STRN4: variants seen among roughly 807,000 people sequenced by gnomAD.
STRN4 encodes the protein striatin-4.
Under a neutral mutation model 77.9 loss-of-function variants are expected in STRN4, and 27 were observed. That is an observed-to-expected ratio of 0.35 (90% CI 0.26 to 0.48). The LOEUF (loss-of-function observed/expected upper bound fraction) is 0.48, where lower values mean the gene tolerates loss of function less well. Ranked by LOEUF, STRN4 falls within the 20% of genes least tolerant of loss-of-function variation. STRN4 has a pLI of 0.99. For missense variants in STRN4, 798 were observed against 1,049.7 expected (o/e 0.76, Z 3.31); for synonymous variants, 466 against 443.1 (o/e 1.05, Z -0.65).
intron 6 of STRN4, 176 bp from the exon 7 acceptor site, chr19:46,728,953 C>G: frequency 1.1e-6 from 1 of 871,938 alleles, no homozygotes; most frequent in Non-Finnish European, 1.7e-6. Flanking sequence ...CAGCTGCTAC[C>G]ACTAGGGCCG....
intron 6 of STRN4, among the ~76,000 whole-genome samples, chr19:46,729,712 C>T (rs956656163): frequency 1.3e-5 from 2 of 152,320 alleles, no homozygotes; most frequent in South Asian, 4.1e-4. Context: ...TCCACCACTA[C>T]CAAGTGCCAC....
Position 46,728,635 on chromosome 19 carries a change from C to A in STRN4, c.1022G>T (p.Gly341Val). 1 of 1,613,776 alleles carries A rather than the reference C, an allele frequency of 6.2e-7. No homozygotes were observed. The highest frequency in any genetic ancestry group is 8.5e-7 in the Non-Finnish European group (1 of 1,179,874). Residue 341 changes from glycine (G) to valine (V), a missense_variant, in exon 7 of 18, where the codon GGG (glycine) becomes GTG (valine). By Grantham distance (109) the Gly-to-Val change is moderately radical (BLOSUM62 -3). This residue lies in a region of STRN4 where 511 missense variants were observed against 575.9 expected (regional missense o/e 0.89). Transcript: ENST00000263280. ...CAGCTCACCCAGCTCATGGGGGCTC[C>A]CATCCACAGTGCACCGCCGAGGGTC... ...APDPRRCTVD[G>V]SPHELESRRV...
intron 12 of STRN4, 83 bp downstream of exon 12, chr19:46,724,724 A>G: frequency 1.9e-6 from 3 of 1,591,556 alleles, no homozygotes; most frequent in Non-Finnish European, 2.6e-6. Context: ...TGTTGGCAAG[A>G]GGTGGACGCG....
intron 5 of STRN4, 65 bp downstream of exon 5, chr19:46,732,974 G>C: frequency 6.5e-7 from 1 of 1,549,378 alleles, no homozygotes; most frequent in Non-Finnish European, 8.8e-7. Flanking sequence ...CTGACACTCT[G>C]ACCCTGGCCT....
At chr19:46,722,399 C>T in intron 14 of STRN4, 59 bp from the exon 15 acceptor site, 2 of 1,552,590 alleles carry the variant, frequency 1.3e-6, no homozygotes, top group Non-Finnish European at 1.8e-6. Flanking sequence ...AAGACCAGAA[C>T]AGAGGCACAA....
At chr19:46,729,489 G>C (rs1171710168) in intron 6 of STRN4, among the ~76,000 whole-genome samples, 1 of 152,080 alleles carries the variant, frequency 6.6e-6, no homozygotes, top group Non-Finnish European at 1.5e-5. Context: ...TGACCTGCAT[G>C]GGGGGGACCA....
In STRN4 at chr19:46,720,317, C is replaced by G; in HGVS notation, c.*88G>C. On this transcript the variant is annotated 3_prime_UTR_variant, in exon 18 of 18. Coordinates refer to ENST00000263280, the MANE Select transcript of STRN4 (RefSeq NM_013403.3). ...ACAGACAGAGGCCAGGCCTCTGCAC[C>G]TCCAGCGAGGCTGGGAGTCCCCTGC... 3.1e-6 allele frequency: 1 copy of G among 321,976 alleles called. No homozygotes were observed. The highest frequency in any genetic ancestry group is 5.7e-6 in the Non-Finnish European group (1 of 176,478). The allele number at this position is 321,976 out of a possible 1,614,324, so 19.9% of individuals were successfully genotyped here.
chr19:46,743,240 G>A (rs1337409212), intron 1 of STRN4, among the ~76,000 whole-genome samples: 2 of 151,972 alleles, frequency 1.3e-5, no homozygotes, highest in Non-Finnish European at 2.9e-5. Flanking sequence ...ATATATATGT[G>A]TATACACACA....
At chr19:46,734,594 C>T (rs74342370) in intron 4 of STRN4, among the ~76,000 whole-genome samples, 3,625 of 152,140 alleles carry the variant, frequency 0.024, 135 homozygotes, top group African/African-American at 0.084. Flanking sequence ...CTCCATAGGA[C>T]CAAAGGAAGG....
intron 11 of STRN4, among the ~76,000 whole-genome samples, 192 bp from the exon 12 acceptor site, chr19:46,725,120 G>A (rs1311768821): frequency 3.3e-5 from 5 of 150,468 alleles, no homozygotes; most frequent in African/African-American, 4.9e-5. Context: ...CTCCTCCCCT[G>A]AAGGGCTGTG....
At chr19:46,737,860 C>T (rs556673432) in intron 3 of STRN4, among the ~76,000 whole-genome samples, 9 of 152,290 alleles carry the variant, frequency 5.9e-5, no homozygotes, top group South Asian at 2.1e-4. Flanking sequence ...TTTCCCGCAC[C>T]GTCCCCAGCA....
rs773042655 is a variant in STRN4 at position 46,728,713 on chromosome 19, G to GCATCCTCAGAGTCGTCTTCCT, written c.923_943dup (p.Glu308_Asp314dup). The stretch of plus-strand genomic sequence containing the variant: ...GCCCAGGAAATCAAACTCATTGATA[G>GCATCCTCAGAGTCGTCTTCCT]CATCCTCAGAGTCGTCTTCCTCATC... On this transcript the variant is annotated inframe_insertion, in exon 7 of 18. Coordinates refer to ENST00000263280, the MANE Select transcript of STRN4 (RefSeq NM_013403.3). 1 of 1,614,216 alleles carries GCATCCTCAGAGTCGTCTTCCT rather than the reference G, an allele frequency of 6.2e-7. No individual in the cohort carries two copies. The highest frequency in any genetic ancestry group is 8.5e-7 in the Non-Finnish European group (1 of 1,180,018).
intron 1 of STRN4, among the ~76,000 whole-genome samples, chr19:46,743,772 G>A (rs1010343966): frequency 6.6e-6 from 1 of 151,912 alleles, no homozygotes; most frequent in Non-Finnish European, 1.5e-5. Context: ...TGGTGGTGGT[G>A]CACACCTGTA....
rs1208385999 is a variant in STRN4, at chr19:46,741,269, G to C, written c.283-2381C>G. Among the ~76,000 whole-genome samples the C allele has an allele frequency of 6.6e-6, 1 of 152,108 alleles. No individual in the cohort carries two copies. The highest frequency in any genetic ancestry group is 2.4e-5 in the African/African-American group (1 of 41,418). On this transcript the variant is annotated intron_variant, in intron 1 of 17. Transcript: ENST00000263280. This position sits in a 1 kb window ranked among gnomAD's most constrained non-coding sequence, Gnocchi z 4.9. ...TGGACACAGTAGTGGTCTATCTGTGGGGGCAGGAGGTGGAGTTGGGCATCC... is the reference window on the plus strand; with the variant it reads ...TGGACACAGTAGTGGTCTATCTGTGCGGGCAGGAGGTGGAGTTGGGCATCC...
intron 9 of STRN4, 117 bp downstream of exon 9, chr19:46,727,335 C>T (rs1208555961): frequency 1.4e-5 from 12 of 850,086 alleles, no homozygotes; most frequent in Admixed American, 2.2e-5. Context: ...TCTACATCTG[C>T]ACCCCTCTGT....
chr19:46,745,851 C>A, intron 1 of STRN4: 1 of 293,610 alleles, frequency 3.4e-6, no homozygotes, highest in South Asian at 7.1e-5. Context: ...CCCAGTCCCA[C>A]TCCCAGCTGG....
In STRN4 at chr19:46,738,241, A is replaced by G; in HGVS notation, c.387-4T>C. On this transcript the variant is annotated splice_region_variant and splice_polypyrimidine_tract_variant and intron_variant, in intron 2 of 17. Coordinates refer to ENST00000263280, the MANE Select transcript of STRN4 (RefSeq NM_013403.3). The surrounding 1 kb of genome is among the most constrained non-coding windows in gnomAD (Gnocchi z 4.5). Reference sequence around the variant, plus strand: ...CTTCAGTTTATGATATTTGGCCCTAAAAGAGCAAATGATTAATGAATAAGA... The same window carrying G: ...CTTCAGTTTATGATATTTGGCCCTAGAAGAGCAAATGATTAATGAATAAGA... The G allele has an allele frequency of 6.2e-7, 1 of 1,613,914 alleles. No individual in the cohort carries two copies. Among genetic ancestry groups the G allele is most frequent in the Non-Finnish European group, 8.5e-7 (1 of 1,179,818 alleles).
intron 8 of STRN4, 163 bp from the exon 9 acceptor site, chr19:46,727,709 G>T: frequency 1.3e-6 from 1 of 755,480 alleles, no homozygotes; most frequent in Non-Finnish European, 2.2e-6. Context: ...GAGACAGAGA[G>T]ACAGACAGGG....
At chr19:46,736,672 A>T in intron 4 of STRN4, 151 bp downstream of exon 4, 1 of 776,848 alleles carries the variant, frequency 1.3e-6, no homozygotes, top group Non-Finnish European at 2.0e-6. Flanking sequence ...GGCTCCGCCC[A>T]CAGGGTGAAA....
Sources: allele counts gnomAD v4.1 joint callset (sites outside exome capture counted in the v4.1 genomes callset), GRCh38; gene constraint gnomAD v4.1.1; regional missense constraint gnomAD v4.1.1; non-coding constraint Gnocchi (gnomAD v3.1); transcripts MANE v1.5; gene names NCBI Gene and HGNC (gene_info 2026-07-23, HGNC 2026-07-21).